RASSF3: variants seen among roughly 807,000 people sequenced by gnomAD.
RASSF3 encodes ras association domain-containing protein 3.
In RASSF3, 19 loss-of-function variants were observed where a neutral mutation model predicts 19.9. That is an observed-to-expected ratio of 0.96 (90% CI 0.67 to 1.40). The LOEUF is 1.40. RASSF3 is among the 40% of genes most tolerant of loss of function. The pLI, the probability that RASSF3 is intolerant of heterozygous loss-of-function variation, is 0.00. For synonymous variants in RASSF3, 110 were observed against 104.2 expected, an observed-to-expected ratio of 1.06 and a Z score of -0.34; for missense variants, 306 against 289.8, an observed-to-expected ratio of 1.06 and a Z score of -0.41.
At chr12:64,579,594 G>A (rs536389825) in intron 2 of RASSF3, among the ~76,000 whole-genome samples, 116 of 151,996 alleles carry the variant, frequency 7.6e-4, no homozygotes, top group Non-Finnish European at 4.7e-4. Context: ...CTTGTGATCC[G>A]CCTGCCTTGG....
At chr12:64,661,837 C>T (rs957306460) in intron 1 of RASSF3, among the ~76,000 whole-genome samples, 5 of 151,442 alleles carry the variant, frequency 3.3e-5, no homozygotes, top group African/African-American at 4.8e-5. Flanking sequence ...GCCACCACCA[C>T]GCCTGGCTAA....
At chr12:64,509,096 G>A (rs1176073257) in intron 1 of RASSF3, among the ~76,000 whole-genome samples, 1 of 152,020 alleles carries the variant, frequency 6.6e-6, no homozygotes, top group African/African-American at 2.4e-5. Context: ...CATAATTTGG[G>A]AAGTTAGAGC....
intron 1 of RASSF3, among the ~76,000 whole-genome samples, chr12:64,623,319 A>G (rs910169111): frequency 6.6e-6 from 1 of 152,226 alleles, no homozygotes; most frequent in African/African-American, 2.4e-5. Flanking sequence ...ATTCCAAGGG[A>G]ATTAAAATTC....
At chr12:64,632,986 A>G (rs1592433138) in intron 1 of RASSF3, among the ~76,000 whole-genome samples, 3 of 152,356 alleles carry the variant, frequency 2.0e-5, no homozygotes, top group African/African-American at 7.2e-5. Context: ...ATAGCTCAAA[A>G]TTAGCACATC....
Position 64,691,566 on chromosome 12 carries a change from A to G in RASSF3, c.554A>G (p.His185Arg), listed in dbSNP as rs761866535. Residue 185 changes from histidine (H) to arginine (R), a missense_variant, in exon 4 of 5, where the codon CAT becomes CGT. Physicochemically the swap from His to Arg is conservative, Grantham distance 29. Coordinates refer to ENST00000542104, the MANE Select transcript of RASSF3 (RefSeq NM_178169.4). The part of the protein sequence containing the change: ...TDTLSFVLRE[H>R]EIGEWEAFSL... ...ACACTTAGTTTTGTTCTTCGTGAAC[A>G]TGAAATTGGAGAGGTAAGTTATTGT... 1.9e-6 allele frequency: 3 copies of G among 1,589,786 alleles called. No individual in the cohort carries two copies. Among genetic ancestry groups the G allele is most frequent in the East Asian group, 2.3e-5 (1 of 44,150 alleles).
At chr12:64,604,131 T>TC (rs566536029) in intron 2 of RASSF3, among the ~76,000 whole-genome samples, 112 of 142,164 alleles carry the variant, frequency 7.9e-4, no homozygotes, top group Middle Eastern at 3.7e-3. Context: ...CAGGTTTTCT[T>TC]TTTTTTTTTT....
intron 1 of RASSF3, among the ~76,000 whole-genome samples, chr12:64,646,378 A>C (rs75045556): frequency 0.041 from 6,185 of 152,156 alleles, 419 homozygotes; most frequent in African/African-American, 0.14. Flanking sequence ...CAGTCTCTTT[A>C]GTTGTTCCAT....
At chr12:64,624,665 G>A (rs181001172) in intron 1 of RASSF3, among the ~76,000 whole-genome samples, 1 of 150,260 alleles carries the variant, frequency 6.7e-6, no homozygotes, top group Non-Finnish European at 1.5e-5. Context: ...GTTAGCAATA[G>A]TTATTATTTC....
chr12:64,670,214 A>G (rs1232178069), intron 1 of RASSF3, among the ~76,000 whole-genome samples: 1 of 152,116 alleles, frequency 6.6e-6, no homozygotes, highest in East Asian at 1.9e-4. Flanking sequence ...TTTTGTGTCT[A>G]AAGCTATTTA....
At chr12:64,624,903 G>A (rs1476478249) in intron 1 of RASSF3, among the ~76,000 whole-genome samples, 3 of 150,990 alleles carry the variant, frequency 2.0e-5, no homozygotes, top group East Asian at 1.9e-4. Context: ...TCCTGACTTC[G>A]CGATCTGCCC....
intron 1 of RASSF3, among the ~76,000 whole-genome samples, chr12:64,525,308 T>G (rs1868561801): frequency 6.6e-6 from 1 of 152,176 alleles, no homozygotes; most frequent in Non-Finnish European, 1.5e-5. Flanking sequence ...TTTGAACTAC[T>G]TTTGTGATGC....
chr12:64,635,066 A>G (rs965670651), intron 1 of RASSF3, among the ~76,000 whole-genome samples: 2 of 147,322 alleles, frequency 1.4e-5, no homozygotes, highest in African/African-American at 5.0e-5. Flanking sequence ...CCCTTTTCCC[A>G]CCTCAGCCTC....
chr12:64,668,950 T>A (rs1390440576), intron 1 of RASSF3, among the ~76,000 whole-genome samples: 4 of 152,090 alleles, frequency 2.6e-5, no homozygotes, highest in African/African-American at 9.7e-5. Context: ...ATTACAGGTG[T>A]GAGCTACCGC....
chr12:64,507,282 C>T (rs1868297675), exon 1 of RASSF3: 2 of 398,658 alleles, frequency 5.0e-6, no homozygotes, highest in South Asian at 1.3e-4. Context: ...AAATCACTGA[C>T]CTGCTCAAAG....
At chr12:64,576,449 C>T (rs1247225204) in intron 2 of RASSF3, among the ~76,000 whole-genome samples, 1 of 152,018 alleles carries the variant, frequency 6.6e-6, no homozygotes, top group African/African-American at 2.4e-5. Flanking sequence ...GAGGATATCA[C>T]AAGAGAATAT....
chr12:64,655,188 T>C (rs193255845), intron 1 of RASSF3, among the ~76,000 whole-genome samples: 3 of 152,360 alleles, frequency 2.0e-5, no homozygotes, highest in Admixed American at 1.3e-4. Flanking sequence ...GTTTTTAGTT[T>C]AGTATTTAGC....
intron 1 of RASSF3, among the ~76,000 whole-genome samples, chr12:64,514,054 T>C (rs1246564227): frequency 5.9e-5 from 8 of 135,212 alleles, no homozygotes; most frequent in Non-Finnish European, 1.3e-4. Context: ...TACTTTTTGC[T>C]TTTTTTTTTT....
chr12:64,543,435 C>CCG (rs1237738977), downstream of RASSF3, among the ~76,000 whole-genome samples: 6 of 57,626 alleles, frequency 1.0e-4, no homozygotes, highest in African/African-American at 4.0e-4. Flanking sequence ...CCCCGCCCGC[C>CCG]CCCCCCGTGC....
intron 1 of RASSF3, among the ~76,000 whole-genome samples, chr12:64,651,473 C>CCTCA (rs1204052684): frequency 6.6e-6 from 1 of 152,166 alleles, no homozygotes; most frequent in African/African-American, 2.4e-5. Flanking sequence ...GATTCTCTTG[C>CCTCA]CTCAGCCTCC....
Sources: allele counts gnomAD v4.1 joint callset (sites outside exome capture counted in the v4.1 genomes callset), GRCh38; gene constraint gnomAD v4.1.1; transcripts MANE v1.5; gene names NCBI Gene and HGNC (gene_info 2026-07-23, HGNC 2026-07-21).